Variants in ITK observed in about 807,000 individuals in gnomAD.
ITK encodes the protein tyrosine-protein kinase ITK/TSK.
Under a neutral mutation model 87.6 loss-of-function variants are expected in ITK, and 45 were observed. The ratio of observed to expected loss-of-function variants is 0.51; its 90% CI spans 0.40 to 0.66. The LOEUF is 0.66. ITK is among the 30% of genes least tolerant of loss of function. The pLI is 0.00. For synonymous variants in ITK, 303 were observed against 273.6 expected (o/e 1.11, Z -1.06); for missense variants, 605 against 766.3 (o/e 0.79, Z 2.48).
At chr5:157,243,829 G>C in intron 12 of ITK, 35 bp downstream of exon 12, 12 of 1,595,972 alleles carry the variant, frequency 7.5e-6, no homozygotes, top group Non-Finnish European at 1.0e-5. Flanking sequence ...CAGAAACTCT[G>C]GGGGGAACAT....
chr5:157,238,038 G>A, intron 8 of ITK, 71 bp from the exon 9 acceptor site: 2 of 1,162,686 alleles, frequency 1.7e-6, no homozygotes, highest in East Asian at 2.3e-5. Context: ...CTGTGGGCAA[G>A]AAAGTGGAGC....
chr5:157,206,907 A>T (rs1368776907), intron 1 of ITK, among the ~76,000 whole-genome samples: 1 of 151,976 alleles, frequency 6.6e-6, no homozygotes, highest in Non-Finnish European at 1.5e-5. Context: ...GATTTTGGTT[A>T]TTTCTTTTCC....
intron 1 of ITK, among the ~76,000 whole-genome samples, chr5:157,207,377 CTTTTTTT>C (rs536290068): frequency 1.2e-4 from 7 of 59,122 alleles, no homozygotes; most frequent in Admixed American, 4.9e-4. Flanking sequence ...AGATACGTCT[CTTTTTTT>C]TTTTTTTTTT....
rs1233670272 is a variant in ITK, at chr5:157,211,732, T to C, written c.325+364T>C. 3.9e-5 allele frequency among the ~76,000 whole-genome samples: 6 copies of C among 152,340 alleles called. No individual in the cohort carries two copies. The East Asian group carries it at 1.2e-3, about 29-fold the overall frequency. ...AAATTTGCCAACTCCTCGTATAGTA[T>C]GAAGAAGCAGAGCATAGGCCCTCAT... is the stretch of plus-strand genomic sequence containing the variant. On this transcript the variant is annotated intron_variant, in intron 3 of 16. Transcript: ENST00000422843.
chr5:157,245,884 C>T lies in ITK; in HGVS notation c.1518C>T (p.Phe506=), dbSNP rs755630347. The T allele has an allele frequency of 3.0e-5, 48 of 1,613,368 alleles. No individual in the cohort carries two copies. The Admixed American group carries it at 5.3e-4, about 18-fold the overall frequency. Residue 506 remains phenylalanine (F), a synonymous_variant, in exon 15 of 17, where the codon TTC becomes TTT. Transcript: ENST00000422843. ...IKVSDFGMTR[F]VLDDQYTSST... Reference sequence around the variant, plus strand: ...TCTCCCTCCACTCTCTTCCCAGGTTCGTTCTGGATGATCAGTACACCAGTT... The same window carrying T: ...TCTCCCTCCACTCTCTTCCCAGGTTTGTTCTGGATGATCAGTACACCAGTT...
At chr5:157,210,054 T>A (rs1408703038) in intron 2 of ITK, among the ~76,000 whole-genome samples, 1 of 152,028 alleles carries the variant, frequency 6.6e-6, no homozygotes, top group African/African-American at 2.4e-5. Context: ...GCCTACTGAA[T>A]AGCTGGGACT....
chr5:157,211,699 T>C (rs1754195084), intron 3 of ITK, among the ~76,000 whole-genome samples: 1 of 152,226 alleles, frequency 6.6e-6, no homozygotes, highest in Non-Finnish European at 1.5e-5. Flanking sequence ...GTCTGGCCTT[T>C]TAAGAACAAA....
chr5:157,188,222 T>G (rs2113737400), intron 1 of ITK, among the ~76,000 whole-genome samples: 1 of 152,316 alleles, frequency 6.6e-6, no homozygotes, highest in South Asian at 2.1e-4. Flanking sequence ...CTGCTGGCAT[T>G]TGAAGTTTTT....
At chr5:157,244,528 T>A (rs910858015) in intron 13 of ITK, 50 bp downstream of exon 13, 4 of 1,026,004 alleles carry the variant, frequency 3.9e-6, no homozygotes, top group Non-Finnish European at 6.2e-6. Context: ...AAGGGACAGT[T>A]CTCACTGAAA....
chr5:157,213,644 A>T, intron 3 of ITK: 2 of 436,296 alleles, frequency 4.6e-6, no homozygotes, highest in Non-Finnish European at 9.1e-6. Flanking sequence ...GGCCTACGAA[A>T]GTACTGGGAT....
chr5:157,193,040 A>AT (rs1157813221), intron 1 of ITK, among the ~76,000 whole-genome samples: 6 of 152,252 alleles, frequency 3.9e-5, no homozygotes, highest in African/African-American at 1.2e-4. Context: ...ACATAGTGAG[A>AT]TCCCATCTCC....
chr5:157,212,537 T>C (rs1160512760), intron 3 of ITK, among the ~76,000 whole-genome samples: 1 of 152,148 alleles, frequency 6.6e-6, no homozygotes, highest in African/African-American at 2.4e-5. Context: ...GTAATCAAAA[T>C]GGGCTGGGCG....
chr5:157,223,517 A>G (rs892914921), intron 6 of ITK, among the ~76,000 whole-genome samples: 4 of 152,184 alleles, frequency 2.6e-5, no homozygotes, highest in Admixed American at 1.3e-4. Context: ...AGCCATCCAC[A>G]TGACTCAGGG....
chr5:157,196,893 T>C (rs25856), intron 1 of ITK, among the ~76,000 whole-genome samples: 123,136 of 152,158 alleles, frequency 0.81, 50,161 homozygotes, highest in African/African-American at 0.91. Context: ...TTTGAAGGAA[T>C]ATTCACAGCT....
At chr5:157,205,975 C>CTT (rs36004184) in intron 1 of ITK, among the ~76,000 whole-genome samples, 62 of 111,456 alleles carry the variant, frequency 5.6e-4, no homozygotes, top group Non-Finnish European at 7.5e-4. Flanking sequence ...AAGGATTAGC[C>CTT]TTTTTTTTTT....
chr5:157,217,896 G>A lies in ITK; in HGVS notation c.484G>A (p.Glu162Lys). The change falls in exon 5 of 17, where the codon GAA becomes AAA. Residue 162 changes from glutamate to lysine, a missense_variant. Around this residue, in one of 3 missense-constraint regions of ITK, gnomAD observed 464 missense variants for 578.0 expected, o/e 0.80. Coordinates refer to ENST00000422843, the MANE Select transcript of ITK (RefSeq NM_005546.4). ...ASKKPLPPTP[E>K]DNRRPLWEPE... ...AAAGAAGCCTCTTCCTCCTACTCCT[G>A]AAGACAACAGGGTGAGTGAGAGCGC... 6.2e-7 allele frequency: 1 copy of A among 1,613,948 alleles called. No individual in the cohort carries two copies. Among genetic ancestry groups the A allele is most frequent in the Non-Finnish European group, 8.5e-7 (1 of 1,179,892 alleles).
At chr5:157,230,323 A>G (rs1259925811) in intron 7 of ITK, among the ~76,000 whole-genome samples, 2 of 152,226 alleles carry the variant, frequency 1.3e-5, no homozygotes, top group Non-Finnish European at 2.9e-5. Flanking sequence ...CTTTTCTGTA[A>G]GTTTGAAATT....
chr5:157,208,872 T>C lies in ITK; in HGVS notation c.139-17T>C. The C allele has an allele frequency of 6.4e-7, 1 of 1,557,396 alleles. No individual in the cohort carries two copies. Among genetic ancestry groups the C allele is most frequent in the Non-Finnish European group, 8.9e-7 (1 of 1,128,416 alleles). On this transcript the variant is annotated splice_polypyrimidine_tract_variant and intron_variant, in intron 1 of 16. Transcript: ENST00000422843. ...TCTTCTTTCTTACATGAATGGGATG[T>C]TCTTCTCTCCCCACAGAAGAAGCGC...
At chr5:157,192,207 C>T (rs1347668579) in intron 1 of ITK, among the ~76,000 whole-genome samples, 2 of 152,134 alleles carry the variant, frequency 1.3e-5, no homozygotes, top group Non-Finnish European at 2.9e-5. Context: ...GATGAACCCA[C>T]CACCTGCATA....
Sources: allele counts gnomAD v4.1 joint callset (sites outside exome capture counted in the v4.1 genomes callset), GRCh38; gene constraint gnomAD v4.1.1; regional missense constraint gnomAD v4.1.1; transcripts MANE v1.5; gene names NCBI Gene and HGNC (gene_info 2026-07-23, HGNC 2026-07-21).